The following SNCAIP variants were observed in gnomAD, a reference collection of about 807,000 sequenced individuals.
SNCAIP encodes the protein synphilin-1.
In SNCAIP, 43 loss-of-function variants were observed where a neutral mutation model predicts 86.7. The observed-to-expected ratio is 0.50, with a 90% CI of 0.39 to 0.64. SNCAIP has a LOEUF of 0.64. Ranked by LOEUF, SNCAIP falls within the 30% of genes least tolerant of loss-of-function variation. The pLI is 0.00. For missense variants in SNCAIP, 981 were observed against 1,103.1 expected (o/e 0.89, Z 1.57); for synonymous variants, 417 against 427.2 (o/e 0.98, Z 0.29).
At chr5:122,377,245 C>T (rs1464931002) in intron 1 of SNCAIP, among the ~76,000 whole-genome samples, 1 of 152,154 alleles carries the variant, frequency 6.6e-6, no homozygotes, top group Non-Finnish European at 1.5e-5. Flanking sequence ...CTTCCTTTCT[C>T]TGTCTTGGTG....
At chr5:122,415,381 CA>C in intron 3 of SNCAIP, among the ~76,000 whole-genome samples, 1 of 152,320 alleles carries the variant, frequency 6.6e-6, no homozygotes, top group South Asian at 2.1e-4. Flanking sequence ...ACAGACTCAC[CA>C]CTTTGTTTCT....
chr5:122,409,421 G>A (rs1773674569), intron 3 of SNCAIP, among the ~76,000 whole-genome samples: 1 of 152,180 alleles, frequency 6.6e-6, no homozygotes, highest in Non-Finnish European at 1.5e-5. Context: ...AAAGAAGGCA[G>A]ATAAATATTA....
At position 122,440,771 on chromosome 5, in the gene SNCAIP, G is replaced by C. The variant is rs1160227227; in HGVS notation, c.1422+17G>C. ...TGCATACAGGTACACAGGCCCTGCT[G>C]TTTTGCAATGAGAAATGAGTATATC... On this transcript the variant is annotated intron_variant, in intron 7 of 10. Coordinates refer to ENST00000261368, the MANE Select transcript of SNCAIP (RefSeq NM_005460.4). 3 of 1,612,346 alleles carry C rather than the reference G, an allele frequency of 1.9e-6. No homozygotes were observed. Among genetic ancestry groups the C allele is most frequent in the Non-Finnish European group, 2.5e-6 (3 of 1,178,382 alleles).
At chr5:122,389,422 A>G (rs1391377725) in intron 1 of SNCAIP, 3 of 152,176 alleles carry the variant, frequency 2.0e-5, no homozygotes, top group Non-Finnish European at 4.4e-5. Flanking sequence ...ATTGGAAGAA[A>G]GTCTCCTAGT....
At chr5:122,455,547 G>A (rs915377212) in intron 10 of SNCAIP, among the ~76,000 whole-genome samples, 6 of 152,218 alleles carry the variant, frequency 3.9e-5, no homozygotes, top group African/African-American at 1.4e-4. Flanking sequence ...CATTGGGTTG[G>A]AGTTGGGGCC....
intron 2 of SNCAIP, among the ~76,000 whole-genome samples, chr5:122,398,887 T>C (rs1771190351): frequency 6.6e-6 from 1 of 152,156 alleles, no homozygotes. Context: ...ATGAATCTCA[T>C]GCATGTTCCA....
At position 122,339,139 on chromosome 5, in the gene SNCAIP, G is replaced by C. The variant is rs574182489; in HGVS notation, c.-47+26855G>C. 3.2e-4 allele frequency among the ~76,000 whole-genome samples: 48 copies of C among 152,278 alleles called. 1 individual carries two copies. The South Asian group carries it at 9.1e-3, about 29-fold the overall frequency. ...GTGATCATTTGGGAATGCAATGCCA[G>C]TTTCTCCACAGCTTCTGACTTTCAA... On this transcript the variant is annotated intron_variant, in intron 1 of 10. Transcript: ENST00000261368.
intron 1 of SNCAIP, among the ~76,000 whole-genome samples, chr5:122,353,944 C>T (rs1203429665): frequency 6.6e-6 from 1 of 152,132 alleles, no homozygotes; most frequent in South Asian, 2.1e-4. Flanking sequence ...TGAAGAAAGG[C>T]GAGCTCCTCC....
chr5:122,423,016 A>G lies in SNCAIP; in HGVS notation c.279A>G (p.Glu93=). 6.2e-7 allele frequency: 1 copy of G among 1,614,122 alleles called. No individual in the cohort carries two copies. The change falls in exon 4 of 11, where the codon GAA becomes GAG. Residue 93 remains glutamate (E), a synonymous_variant. Transcript: ENST00000261368. ...KHQPETLENN[E]SDDQKNQKVV... The stretch of plus-strand genomic sequence containing the variant: ...AGCCAGAGACTCTGGAGAACAATGA[A>G]AGTGATGACCAAAAGAACCAGAAAG...
At chr5:122,405,382 T>C (rs773919721) in intron 3 of SNCAIP, among the ~76,000 whole-genome samples, 1 of 152,176 alleles carries the variant, frequency 6.6e-6, no homozygotes, top group Non-Finnish European at 1.5e-5. Context: ...GAAGAAAAAA[T>C]AGCAAATACT....
At chr5:122,453,005 G>A (rs1178314160) in intron 10 of SNCAIP, 8 of 1,526,784 alleles carry the variant, frequency 5.2e-6, no homozygotes, top group Non-Finnish European at 7.1e-6. Context: ...GGTACGTGGT[G>A]CTAGGAGATA....
chr5:122,409,882 G>A (rs1335929997), intron 3 of SNCAIP, among the ~76,000 whole-genome samples: 7 of 152,196 alleles, frequency 4.6e-5, no homozygotes, highest in African/African-American at 1.7e-4. Flanking sequence ...AAGCTTGAAA[G>A]TGAAGGTTGG....
intron 7 of SNCAIP, chr5:122,443,628 C>T (rs1263922185): frequency 2.2e-6 from 1 of 456,922 alleles, no homozygotes; most frequent in Non-Finnish European, 4.4e-6. Context: ...TTTTACACAC[C>T]ACTTTAGCTC....
chr5:122,354,394 C>T (rs571068811), intron 1 of SNCAIP, among the ~76,000 whole-genome samples: 4 of 152,246 alleles, frequency 2.6e-5, no homozygotes, highest in Admixed American at 6.5e-5. Context: ...AGATTTCTTG[C>T]GAGTGCTCCT....
At chr5:122,354,617 A>G (rs977839774) in intron 1 of SNCAIP, among the ~76,000 whole-genome samples, 10 of 152,192 alleles carry the variant, frequency 6.6e-5, no homozygotes, top group African/African-American at 1.9e-4. Context: ...ATTGTCTTGG[A>G]GCAGATATAT....
At chr5:122,318,655 T>C (rs531702253) in intron 1 of SNCAIP, among the ~76,000 whole-genome samples, 1 of 152,340 alleles carries the variant, frequency 6.6e-6, no homozygotes, top group South Asian at 2.1e-4. Context: ...AGACAGATTC[T>C]CTTTGAAGCT....
Position 122,422,881 on chromosome 5 carries a change from C to T in SNCAIP, c.144C>T (p.Ser48=). The T allele has an allele frequency of 1.2e-6, 2 of 1,613,804 alleles. No individual in the cohort carries two copies. Among genetic ancestry groups the T allele is most frequent in the Non-Finnish European group, 1.7e-6 (2 of 1,179,692 alleles). ...TTTTAAAAACAGTTTCTAGCTCTAG[C>T]TGGAATTGTGGCATCTCAACTCTTA... ...QNEDRSVSSS[S]WNCGISTLIT... is the part of the protein sequence containing the mutation. The change falls in exon 4 of 11, where the codon AGC becomes AGT. Residue 48 remains serine (S), a synonymous_variant. Transcript: ENST00000261368.
At chr5:122,452,288 G>A (rs1265057601) in intron 10 of SNCAIP, among the ~76,000 whole-genome samples, 6 of 152,144 alleles carry the variant, frequency 3.9e-5, no homozygotes, top group African/African-American at 7.2e-5. Context: ...GTGGATAGGC[G>A]ATATGAACAT....
At chr5:122,333,130 G>A (rs1755728380) in intron 1 of SNCAIP, among the ~76,000 whole-genome samples, 1 of 152,214 alleles carries the variant, frequency 6.6e-6, no homozygotes, top group Non-Finnish European at 1.5e-5. Context: ...ATTAAGCAAT[G>A]TGGCACAAAA....
Sources: gnomAD v4.1 joint callset for allele counts (sites outside exome capture counted in the v4.1 genomes callset) on GRCh38, gnomAD v4.1.1 for gene constraint, MANE v1.5 for transcripts, NCBI Gene and HGNC (gene_info 2026-07-23, HGNC 2026-07-21) for gene names.